Variants in ORC3 observed in about 807,000 individuals in gnomAD.
The protein encoded by ORC3 is origin recognition complex subunit 3, also known as homolog of latheo, Drosophila.
In ORC3, 78 loss-of-function variants were observed where a neutral mutation model predicts 100.7. The observed-to-expected ratio is 0.77, with a 90% CI of 0.65 to 0.94. The LOEUF is 0.94. Ranked by LOEUF, ORC3 falls within the 40% of genes least tolerant of loss-of-function variation. The pLI, the probability that ORC3 is intolerant of heterozygous loss-of-function variation, is 0.00. For synonymous variants in ORC3, 295 were observed against 289.3 expected, an observed-to-expected ratio of 1.02 and a Z score of -0.20; for missense variants, 789 against 823.9, an observed-to-expected ratio of 0.96 and a Z score of 0.52.
chr6:87,611,685 G>A (rs1192432984), intron 7 of ORC3, among the ~76,000 whole-genome samples: 1 of 152,010 alleles, frequency 6.6e-6, no homozygotes, highest in African/African-American at 2.4e-5. Context: ...GGGAGGCTGA[G>A]GCAGGAGAAT....
At chr6:87,625,783 A>G (rs1167960883) in intron 11 of ORC3, among the ~76,000 whole-genome samples, 1 of 152,086 alleles carries the variant, frequency 6.6e-6, no homozygotes, top group Non-Finnish European at 1.5e-5. Context: ...TAGTCTTGGT[A>G]TTGCTTAGGT....
At position 87,623,042 on chromosome 6, in the gene ORC3, T is replaced by TA. The variant is rs532982534; in HGVS notation, c.1185+1030dup. Among the ~76,000 whole-genome samples the TA allele has an allele frequency of 3.1e-3, 476 of 152,328 alleles. 3 individuals are homozygous for TA. The highest frequency in any genetic ancestry group is 7.7e-3 in the South Asian group (37 of 4,830). ...GCTAAAGATGAGTTTTGGTAATACA[T>TA]ACGATTTTCAGATTTTGAACAAGAG... On this transcript the variant is annotated intron_variant, in intron 11 of 19. Coordinates refer to ENST00000392844, the MANE Select transcript of ORC3 (RefSeq NM_012381.4).
rs1562313654 is a variant in ORC3, at chr6:87,594,475, GA to G, written c.79+70del. 4.2e-6 allele frequency: 6 copies of G among 1,433,744 alleles called. No individual in the cohort carries two copies. In the African/African-American group the frequency reaches 7.1e-5, roughly 17 times the overall value. 88.8% of individuals were successfully genotyped at this position (1,433,744 alleles called of 1,614,324 possible). ...AAACTATTAGGAACTAACCCTAATT[GA>G]ATTTAGTAATTCTCTTGTCTAACCT... On this transcript the variant is annotated intron_variant, in intron 2 of 19. Coordinates refer to ENST00000392844, the MANE Select transcript of ORC3 (RefSeq NM_012381.4).
At chr6:87,626,056 G>C (rs1033984594) in intron 11 of ORC3, among the ~76,000 whole-genome samples, 4 of 152,092 alleles carry the variant, frequency 2.6e-5, no homozygotes, top group Non-Finnish European at 5.9e-5. Context: ...TCTCTGTTTT[G>C]GTACCAGTAC....
intron 13 of ORC3, among the ~76,000 whole-genome samples, chr6:87,647,161 A>G (rs564349293): frequency 1.3e-5 from 2 of 152,260 alleles, no homozygotes; most frequent in South Asian, 2.1e-4. Context: ...ATTTCAGATA[A>G]TGTTACTCCT....
At position 87,663,078 on chromosome 6, in the gene ORC3, G is replaced by A; in HGVS notation, c.1767G>A (p.Glu589=). 7 of 1,612,710 alleles carry A rather than the reference G, an allele frequency of 4.3e-6. No individual in the cohort carries two copies. Among genetic ancestry groups the A allele is most frequent in the Non-Finnish European group, 5.9e-6 (7 of 1,178,926 alleles). ...TCAGTGCTGCCCATGCCCTTCGTGAGCATTTAAATGCTGCTCCGCGAATTG... is the reference window on the plus strand; with the variant it reads ...TCAGTGCTGCCCATGCCCTTCGTGAACATTTAAATGCTGCTCCGCGAATTG... ...VYFSAAHALR[E]HLNAAPRIAL... Residue 589 remains glutamate, a synonymous_variant, in exon 17 of 20, where the codon GAG becomes GAA. Transcript: ENST00000392844.
At chr6:87,669,240 C>G (rs1309570386), downstream of ORC3, among the ~76,000 whole-genome samples, 1 of 152,108 alleles carries the variant, frequency 6.6e-6, no homozygotes. Flanking sequence ...AAGGGGAAAC[C>G]CCAAGGTACC....
At chr6:87,619,862 A>C (rs1050562993) in intron 9 of ORC3, among the ~76,000 whole-genome samples, 7 of 152,000 alleles carry the variant, frequency 4.6e-5, no homozygotes, top group African/African-American at 1.7e-4. Context: ...AAATATTGGT[A>C]AGTCGTGATT....
chr6:87,595,391 G>A (rs531513856), intron 2 of ORC3: 5 of 152,286 alleles, frequency 3.3e-5, no homozygotes, highest in Non-Finnish European at 7.3e-5. Context: ...GTAGTGCTTT[G>A]TAAGACTATC....
intron 13 of ORC3, 62 bp downstream of exon 13, chr6:87,636,548 C>A: frequency 9.9e-7 from 1 of 1,014,032 alleles, no homozygotes; most frequent in Non-Finnish European, 1.6e-6. Context: ...GTAAGTAGCA[C>A]CTTCCTCTAG....
At chr6:87,610,556 A>AT (rs1473714529) in intron 7 of ORC3, among the ~76,000 whole-genome samples, 2 of 133,956 alleles carry the variant, frequency 1.5e-5, no homozygotes, top group Non-Finnish European at 3.2e-5. Flanking sequence ...TTTATTTTTT[A>AT]TTTTTTTTGA....
downstream of ORC3, among the ~76,000 whole-genome samples, chr6:87,669,147 A>T (rs891292557): frequency 1.3e-5 from 2 of 152,178 alleles, no homozygotes; most frequent in African/African-American, 4.8e-5. Context: ...GAAAGAGTGA[A>T]ACTCCGTCTC....
Position 87,616,401 on chromosome 6 carries a change from G to T in ORC3, c.961G>T (p.Val321Phe), listed in dbSNP as rs752880587. Residue 321 changes from valine to phenylalanine, a missense_variant, in exon 9 of 20, where the codon GTT (valine) becomes TTT (phenylalanine). Val to Phe is a conservative substitution (Grantham distance 50, BLOSUM62 -1). This residue lies in a region of ORC3 where 399 missense variants were observed against 382.0 expected (regional missense o/e 1.04). Transcript: ENST00000392844. ...TNIFLYHDFS[V>F]QNFIKGLQLS... ...CATCTTTTTGTATCATGATTTCTCA[G>T]TTCAAAACTTTATAAAAGGACTTCA... 2 of 1,499,870 alleles carry T rather than the reference G, an allele frequency of 1.3e-6. No homozygotes were observed. Among genetic ancestry groups the T allele is most frequent in the Admixed American group, 1.7e-5 (1 of 59,546 alleles). 92.9% of individuals were successfully genotyped at this position (1,499,870 alleles called of 1,614,324 possible). A position where few individuals can be genotyped will look rare whatever the true frequency, so the allele number is the denominator to read the frequency against.
Position 87,590,295 on chromosome 6 carries a change from A to G in ORC3, c.24+103A>G, listed in dbSNP as rs9450752. On this transcript the variant is annotated intron_variant, in intron 1 of 19. Transcript: ENST00000392844. ...GTAGGCATCCCTTCCCTGGCTGGAG[A>G]GGAGGGAGGGAGCGGCGTACTGAGC... 698,245 of 1,254,686 alleles carry G rather than the reference A, an allele frequency of 0.56. 197,810 individuals carry two copies. The highest frequency in any genetic ancestry group is 0.76 in the African/African-American group (51,505 of 68,170). 77.7% of individuals were successfully genotyped at this position (1,254,686 alleles called of 1,614,324 possible). A position where few individuals can be genotyped will look rare whatever the true frequency, so the allele number is the denominator to read the frequency against.
Position 87,654,618 on chromosome 6 carries a change from C to T in ORC3, c.1516+1369C>T, listed in dbSNP as rs1477099184. 2.8e-4 allele frequency among the ~76,000 whole-genome samples: 42 copies of T among 152,170 alleles called. 1 individual carries two copies. Among genetic ancestry groups the T allele is most frequent in the Admixed American group, 2.7e-3 (42 of 15,274 alleles). On this transcript the variant is annotated intron_variant, in intron 14 of 19. Coordinates refer to ENST00000392844, the MANE Select transcript of ORC3 (RefSeq NM_012381.4). ...TCATTGTTTTTCTGTCGCTAATTCACGATATAAATACGCCCTAATAGTGAT... is the reference window on the plus strand; with the variant it reads ...TCATTGTTTTTCTGTCGCTAATTCATGATATAAATACGCCCTAATAGTGAT...
At chr6:87,606,835 G>A (rs186590986) in intron 5 of ORC3, among the ~76,000 whole-genome samples, 109 of 152,164 alleles carry the variant, frequency 7.2e-4, no homozygotes, top group Non-Finnish European at 1.5e-3. Context: ...ATTACATCTT[G>A]AGTCACCATG....
At chr6:87,620,197 C>G (rs879517150) in intron 9 of ORC3, among the ~76,000 whole-genome samples, 17 of 152,156 alleles carry the variant, frequency 1.1e-4, no homozygotes, top group Admixed American at 1.1e-3. Context: ...GCCCCTTAGC[C>G]TGTTTAGTTT....
chr6:87,631,787 C>T (rs879404282), intron 11 of ORC3, among the ~76,000 whole-genome samples: 6 of 152,110 alleles, frequency 3.9e-5, no homozygotes, highest in East Asian at 1.9e-4. Context: ...CCACCCTGCC[C>T]GGCCCGAAAA....
intron 13 of ORC3, chr6:87,650,974 C>CCT: frequency 2.8e-6 from 1 of 359,442 alleles, no homozygotes. Flanking sequence ...GCCATTGCAC[C>CCT]CTAGCCTGAG....
Sources: gnomAD v4.1 joint callset for allele counts (sites outside exome capture counted in the v4.1 genomes callset) on GRCh38, gnomAD v4.1.1 for gene constraint, gnomAD v4.1.1 regional missense constraint, MANE v1.5 for transcripts, NCBI Gene and HGNC (gene_info 2026-07-23, HGNC 2026-07-21) for gene names.